HIP1R: variants seen among roughly 807,000 people sequenced by gnomAD.
HIP1R encodes the protein huntingtin-interacting protein 1-related protein.
HIP1R carries 135 observed loss-of-function variants against 144.2 expected under a neutral mutation model. That is an observed-to-expected ratio of 0.94 (90% CI 0.81 to 1.08). The LOEUF is 1.08. HIP1R is among the 50% of genes least tolerant of loss of function. HIP1R has a pLI of 0.00. For synonymous variants in HIP1R, 698 were observed against 612.8 expected (o/e 1.14, Z -2.05); for missense variants, 1,462 against 1,432.8 (o/e 1.02, Z -0.33).
At chr12:122,843,857 T>A (rs1481637962) in intron 1 of HIP1R, among the ~76,000 whole-genome samples, 1 of 152,176 alleles carries the variant, frequency 6.6e-6, no homozygotes, top group African/African-American at 2.4e-5. Flanking sequence ...TCTATTATTG[T>A]TTTGTTTTGT....
At chr12:122,860,613 G>A (rs140165361) in intron 27 of HIP1R, 66 bp from the exon 28 acceptor site, 2 of 1,553,068 alleles carry the variant, frequency 1.3e-6, no homozygotes, top group African/African-American at 2.7e-5. Flanking sequence ...AGTAGAGGGG[G>A]TGTGGAGTGG....
rs1467696501 is a variant in HIP1R at position 122,854,332 on chromosome 12, T to C, written c.718+149T>C. The C allele has an allele frequency of 7.8e-6, 3 of 382,816 alleles. No homozygotes were observed. In the African/African-American group the frequency reaches 9.1e-5, roughly 12 times the overall value. The allele number at this position is 382,816 out of a possible 1,614,324, so 23.7% of individuals were successfully genotyped here. A position where few individuals can be genotyped will look rare whatever the true frequency, so the allele number is the denominator to read the frequency against. ...ACTGCCCATTAATAGAAATAACATA[T>C]ATTTTATGAAAAAAAAAAAAAAAAA... On this transcript the variant is annotated intron_variant, in intron 8 of 31. Coordinates refer to ENST00000253083, the MANE Select transcript of HIP1R (RefSeq NM_003959.3).
At chr12:122,860,108 C>G (rs2033723407) in intron 25 of HIP1R, 31 bp downstream of exon 25, 1 of 1,583,750 alleles carries the variant, frequency 6.3e-7, no homozygotes, top group African/African-American at 1.3e-5. Context: ...GGGGTCTGCA[C>G]CTGGAGGGCC....
intron 26 of HIP1R, 27 bp downstream of exon 26, chr12:122,860,237 A>G: frequency 1.9e-6 from 3 of 1,544,072 alleles, no homozygotes; most frequent in African/African-American, 1.4e-5. Flanking sequence ...AGCAGGGCAC[A>G]GTCCACAAGG....
intron 8 of HIP1R, 151 bp downstream of exon 8, chr12:122,854,334 T>C (rs894373506): frequency 4.8e-6 from 2 of 419,988 alleles, no homozygotes; most frequent in African/African-American, 6.6e-5. Flanking sequence ...ATAACATATA[T>C]TTTATGAAAA....
chr12:122,835,583 G>A lies in HIP1R; in HGVS notation c.33G>A (p.Val11=). The part of the protein sequence containing the change: MNSIKNVPAR[V]LSRRPGHSLE... ...GCATCAAGAACGTGCCGGCGCGGGT[G>A]CTGAGCCGCAGGCCGGGCCACAGCC... The change falls in exon 1 of 32, where the codon GTG becomes GTA. Residue 11 remains valine, a synonymous_variant. Coordinates refer to ENST00000253083, the MANE Select transcript of HIP1R (RefSeq NM_003959.3). 1.5e-6 allele frequency: 2 copies of A among 1,352,390 alleles called. No homozygotes were observed. Among genetic ancestry groups the A allele is most frequent in the Non-Finnish European group, 9.6e-7 (1 of 1,043,548 alleles). 83.8% of individuals were successfully genotyped at this position (1,352,390 alleles called of 1,614,324 possible). A position where few individuals can be genotyped will look rare whatever the true frequency, so the allele number is the denominator to read the frequency against.
chr12:122,861,682 ACCC>A, intron 31 of HIP1R, 21 bp from the exon 32 acceptor site: 1 of 1,613,386 alleles, frequency 6.2e-7, no homozygotes, highest in Non-Finnish European at 8.5e-7. Flanking sequence ...GTGACCACTG[ACCC>A]CCCACCTTTA....
At chr12:122,852,935 G>A (rs2033442841) in intron 7 of HIP1R, among the ~76,000 whole-genome samples, 5 of 152,126 alleles carry the variant, frequency 3.3e-5, no homozygotes, top group Admixed American at 3.3e-4. Flanking sequence ...AAAAAGGCAA[G>A]GGGCGGCACT....
rs756335531 is a variant in HIP1R at position 122,848,512 on chromosome 12, G to T, written c.204G>T (p.Trp68Cys). ...THHEKGAFTFWSYAIGLPLPS... is the reference protein window; with the variant it reads ...THHEKGAFTFCSYAIGLPLPS... Reference sequence around the variant, plus strand: ...ACGAGAAGGGGGCTTTCACCTTCTGGTCCTACGCCATTGGGCTGCCGCTGC... The same window carrying T: ...ACGAGAAGGGGGCTTTCACCTTCTGTTCCTACGCCATTGGGCTGCCGCTGC... The change falls in exon 3 of 32, where the codon TGG becomes TGT. Residue 68 changes from tryptophan to cysteine, a missense_variant. Physicochemically the swap from Trp to Cys is radical, Grantham distance 215 (BLOSUM62 -2). Transcript: ENST00000253083. 14 of 1,613,224 alleles carry T rather than the reference G, an allele frequency of 8.7e-6. No homozygotes were observed. The highest frequency in any genetic ancestry group is 1.2e-5 in the Non-Finnish European group (14 of 1,179,968).
chr12:122,850,220 T>G (rs543373503), intron 5 of HIP1R: 34 of 617,138 alleles, frequency 5.5e-5, no homozygotes, highest in South Asian at 5.0e-4. Flanking sequence ...TTCCTCAGTC[T>G]CTGCTGTGCT....
In HIP1R at chr12:122,858,364, G is replaced by A. The variant is rs758783792; in HGVS notation, c.1979G>A (p.Arg660Lys). The change falls in exon 20 of 32, where the codon AGG becomes AAG. Residue 660 changes from arginine (R) to lysine (K), a missense_variant. This residue lies in a region of HIP1R where 1,112 missense variants were observed against 1,011.7 expected (regional missense o/e 1.10). Transcript: ENST00000253083. ...GTGCTTGCAGACTACCTGGTGAGCA[G>A]GGCCCAGGAGGCCTTGGATGCCGTG... ...CTSSPDYLVS[R>K]AQEALDAVST... 1.2e-6 allele frequency: 2 copies of A among 1,609,996 alleles called. No individual in the cohort carries two copies. Among genetic ancestry groups the A allele is most frequent in the Admixed American group, 1.7e-5 (1 of 59,720 alleles).
chr12:122,851,861 C>T (rs1172565150), intron 7 of HIP1R, among the ~76,000 whole-genome samples: 1 of 152,174 alleles, frequency 6.6e-6, no homozygotes, highest in Admixed American at 6.5e-5. Flanking sequence ...AGCCCCAAGA[C>T]AGGGAGGGTG....
intron 1 of HIP1R, among the ~76,000 whole-genome samples, chr12:122,841,080 G>A (rs762738535): frequency 1.3e-5 from 2 of 152,162 alleles, no homozygotes; most frequent in Admixed American, 6.5e-5. Context: ...ATACCCAGCC[G>A]GCTAACCTGA....
chr12:122,859,596 C>T, intron 23 of HIP1R, 60 bp downstream of exon 23: 2 of 1,454,320 alleles, frequency 1.4e-6, no homozygotes. Flanking sequence ...CCGGAGGCCC[C>T]AACTGGGCTG....
intron 1 of HIP1R, among the ~76,000 whole-genome samples, chr12:122,847,614 G>A (rs961192311): frequency 1.3e-5 from 2 of 152,204 alleles, no homozygotes; most frequent in Non-Finnish European, 2.9e-5. Context: ...ATGGGGTGCC[G>A]CAAAGGCCAG....
chr12:122,847,187 T>C (rs949886241), intron 1 of HIP1R, among the ~76,000 whole-genome samples: 3 of 151,758 alleles, frequency 2.0e-5, no homozygotes, highest in Non-Finnish European at 2.9e-5. Flanking sequence ...GCATGAGAAA[T>C]ACCCCATGCC....
intron 1 of HIP1R, among the ~76,000 whole-genome samples, chr12:122,846,697 G>T (rs759852587): frequency 2.2e-4 from 33 of 152,314 alleles, no homozygotes; most frequent in Non-Finnish European, 1.8e-4. Flanking sequence ...ACCTGCCTGG[G>T]AGGGTCCAGT....
chr12:122,848,960 T>G, intron 4 of HIP1R, 108 bp downstream of exon 4: 2 of 1,179,224 alleles, frequency 1.7e-6, no homozygotes, highest in Non-Finnish European at 2.5e-6. Context: ...GTGGCTGGGT[T>G]TTCCCAGGGG....
Position 122,856,373 on chromosome 12 carries a change from C to G in HIP1R, c.1401+29C>G, listed in dbSNP as rs372529224. ...GGTGCAGCCCATCCTCCATCCCAGC[C>G]GGTGGCAGGGCCTCTCGGGGATGGC... is the stretch of plus-strand genomic sequence containing the variant. On this transcript the variant is annotated intron_variant, in intron 15 of 31. Coordinates refer to ENST00000253083, the MANE Select transcript of HIP1R (RefSeq NM_003959.3). The G allele has an allele frequency of 1.9e-6, 3 of 1,612,568 alleles. No homozygotes were observed. In the East Asian group the frequency reaches 6.7e-5, roughly 36 times the overall value.
Sources: gnomAD v4.1 joint callset for allele counts (sites outside exome capture counted in the v4.1 genomes callset) on GRCh38, gnomAD v4.1.1 for gene constraint, gnomAD v4.1.1 regional missense constraint, MANE v1.5 for transcripts, NCBI Gene and HGNC (gene_info 2026-07-23, HGNC 2026-07-21) for gene names.